Variants in TEX26 observed in about 807,000 individuals in gnomAD.
TEX26 encodes the protein testis-expressed protein 26.
A neutral mutation model predicts 35.3 loss-of-function variants in TEX26; 34 were observed. The observed-to-expected ratio is 0.96, with a 90% confidence interval of 0.73 to 1.28. The LOEUF is 1.28. TEX26 is among the 50% of genes most tolerant of loss of function. TEX26 has a pLI of 0.00. For missense variants in TEX26, 371 were observed against 330.1 expected, an observed-to-expected ratio of 1.12 and a Z score of -0.96; for synonymous variants, 136 against 111.8, an observed-to-expected ratio of 1.22 and a Z score of -1.36.
Position 30,939,719 on chromosome 13 carries a change from T to A in TEX26, c.87T>A (p.Tyr29Ter). The A allele has an allele frequency of 6.2e-7, 1 of 1,614,138 alleles. No individual in the cohort carries two copies. The highest frequency in any genetic ancestry group is 8.5e-7 in the Non-Finnish European group (1 of 1,179,956). ...CAGATGACCCCAACTGGGATTCCTA[T>A]GCTACCACTATGAGGACTGCATTCA... is the stretch of plus-strand genomic sequence containing the variant. ...QPTDDPNWDS[Y>*]ATTMRTAFTP... The change falls in exon 2 of 7, where the codon TAT (tyrosine) becomes TAA (stop). Residue 29 changes from tyrosine to a stop codon, truncating the protein, a stop_gained. Coordinates refer to ENST00000380473, the MANE Select transcript of TEX26 (RefSeq NM_152325.3). LOFTEE classifies it high-confidence loss of function.
intron 1 of TEX26, chr13:30,936,901 A>T (rs1230087115): frequency 6.1e-6 from 6 of 985,470 alleles, no homozygotes; most frequent in Non-Finnish European, 7.2e-6. Context: ...AGATTTCTCA[A>T]TGAACATTTC....
In TEX26 at chr13:30,968,945, A is replaced by T. The variant is rs776635601; in HGVS notation, c.707A>T (p.Tyr236Phe). The change falls in exon 6 of 7, where the codon TAC becomes TTC. Residue 236 changes from tyrosine (Y) to phenylalanine (F), a missense_variant. By Grantham distance (22) the Tyr-to-Phe change is conservative. Transcript: ENST00000380473. Reference sequence around the variant, plus strand: ...GAGCACACAAAGAAACAGACCACATACCAAAGTGACTACGACAAAACCTAC... The same window carrying T: ...GAGCACACAAAGAAACAGACCACATTCCAAAGTGACTACGACAAAACCTAC... ...NQEHTKKQTT[Y>F]QSDYDKTYPD... The T allele has an allele frequency of 5.6e-6, 9 of 1,614,038 alleles. No homozygotes were observed. The East Asian group carries it at 2.0e-4, about 36-fold the overall frequency.
At chr13:30,963,097 G>A (rs1181518622) in intron 4 of TEX26, among the ~76,000 whole-genome samples, 1 of 152,078 alleles carries the variant, frequency 6.6e-6, no homozygotes, top group Non-Finnish European at 1.5e-5. Context: ...CAAAGTGCTG[G>A]CATTGCAGGC....
At chr13:30,962,918 G>A (rs1954399164) in intron 4 of TEX26, among the ~76,000 whole-genome samples, 1 of 151,950 alleles carries the variant, frequency 6.6e-6, no homozygotes, top group South Asian at 2.1e-4. Flanking sequence ...TGCCTCCCGG[G>A]TTCATGCCAT....
At chr13:30,974,288 T>C (rs1013350493) in intron 6 of TEX26, among the ~76,000 whole-genome samples, 1 of 151,746 alleles carries the variant, frequency 6.6e-6, no homozygotes, top group African/African-American at 2.4e-5. Flanking sequence ...CAAGGACTAG[T>C]AAACCTTACC....
Position 30,966,243 on chromosome 13 carries a change from C to T in TEX26, c.491C>T (p.Ser164Phe). The change falls in exon 5 of 7, where the codon TCT becomes TTT. Residue 164 changes from serine to phenylalanine, a missense_variant. Transcript: ENST00000380473. ...RSKAQKIKKS[S>F]HLSLEWKKLL... ...CCAGCTCAGAAGATTAAGAAAAGTTCTCACTTGTCTCTGGAATGGAAAAAG... is the reference window on the plus strand; with the variant it reads ...CCAGCTCAGAAGATTAAGAAAAGTTTTCACTTGTCTCTGGAATGGAAAAAG... 1 of 1,613,920 alleles carries T rather than the reference C, an allele frequency of 6.2e-7. No homozygotes were observed. Among genetic ancestry groups the T allele is most frequent in the Non-Finnish European group, 8.5e-7 (1 of 1,179,990 alleles).
chr13:30,932,769 C>G lies in TEX26; in HGVS notation c.54C>G (p.Leu18=). 6.2e-7 allele frequency: 1 copy of G among 1,614,054 alleles called. No homozygotes were observed. The highest frequency in any genetic ancestry group is 8.5e-7 in the Non-Finnish European group (1 of 1,180,010). The change falls in exon 1 of 7, where the codon CTC becomes CTG. Residue 18 remains leucine (L), a synonymous_variant. Transcript: ENST00000380473. ...ATCCCTCTCTCTGCCACCACAACCT[C>G]CAGCCAAGTAAGACAGCAGACTCTG... is the stretch of plus-strand genomic sequence containing the variant. ...APDPSLCHHN[L]QPTDDPNWDS... is the part of the protein sequence containing the mutation.
chr13:30,972,749 C>T (rs138199462), intron 6 of TEX26, among the ~76,000 whole-genome samples: 1,856 of 152,326 alleles, frequency 0.012, 30 homozygotes, highest in African/African-American at 0.042. Context: ...ATTCTCATGC[C>T]TCAGCTTCCC....
At chr13:30,972,139 C>T (rs558622609) in intron 6 of TEX26, among the ~76,000 whole-genome samples, 1 of 152,274 alleles carries the variant, frequency 6.6e-6, no homozygotes, top group African/African-American at 2.4e-5. Context: ...GAGGGGTACT[C>T]CCAACCCTAT....
At chr13:30,940,608 C>T (rs893767338) in intron 2 of TEX26, among the ~76,000 whole-genome samples, 8 of 152,150 alleles carry the variant, frequency 5.3e-5, no homozygotes, top group Non-Finnish European at 7.4e-5. Context: ...GTTGGGATTA[C>T]AGGCGTGAGC....
At position 30,975,049 on chromosome 13, in the gene TEX26, T is replaced by A; in HGVS notation, c.*142T>A. 1.8e-6 allele frequency: 1 copy of A among 555,602 alleles called. No individual in the cohort carries two copies. The highest frequency in any genetic ancestry group is 3.0e-6 in the Non-Finnish European group (1 of 334,426). 34.4% of individuals were successfully genotyped at this position (555,602 alleles called of 1,614,324 possible). Reference sequence around the variant, plus strand: ...GTGATAGTCATGAATTTGTGTCTTTTGCTCCGCTTTATTTTTAAACAATAA... The same window carrying A: ...GTGATAGTCATGAATTTGTGTCTTTAGCTCCGCTTTATTTTTAAACAATAA... On this transcript the variant is annotated 3_prime_UTR_variant, in exon 7 of 7. Coordinates refer to ENST00000380473, the MANE Select transcript of TEX26 (RefSeq NM_152325.3).
intron 4 of TEX26, among the ~76,000 whole-genome samples, chr13:30,965,130 T>A (rs7321023): frequency 2.0e-5 from 3 of 151,898 alleles, no homozygotes; most frequent in Non-Finnish European, 4.4e-5. Flanking sequence ...GAGGTCATTA[T>A]GAGGGCTATT....
At chr13:30,936,633 A>T in intron 1 of TEX26, 1 of 963,660 alleles carries the variant, frequency 1.0e-6, no homozygotes, top group Non-Finnish European at 1.2e-6. Context: ...CATAGGATAC[A>T]TAGCTCATCT....
intron 1 of TEX26, among the ~76,000 whole-genome samples, chr13:30,935,098 T>G (rs1188460020): frequency 6.6e-6 from 1 of 152,298 alleles, no homozygotes; most frequent in Non-Finnish European, 1.5e-5. Context: ...CCCTGCAGGC[T>G]CAGGGGTATC....
intron 1 of TEX26, among the ~76,000 whole-genome samples, chr13:30,938,331 T>C (rs1444201090): frequency 3.3e-5 from 5 of 152,224 alleles, no homozygotes; most frequent in African/African-American, 1.2e-4. Flanking sequence ...TCTGTTGTTG[T>C]TGTAACAGAA....
intron 4 of TEX26, among the ~76,000 whole-genome samples, chr13:30,957,670 T>C (rs1954188196): frequency 6.6e-6 from 1 of 152,142 alleles, no homozygotes; most frequent in South Asian, 2.1e-4. Flanking sequence ...CACAGGGCTG[T>C]GGCAGTGCGG....
At position 30,953,204 on chromosome 13, in the gene TEX26, G is replaced by T. The variant is rs7999879; in HGVS notation, c.312+379G>T. Among the ~76,000 whole-genome samples the T allele has an allele frequency of 7.9e-5, 12 of 151,972 alleles. No homozygotes were observed. In the South Asian group the frequency reaches 2.1e-3, roughly 26 times the overall value. ...TCATACCCATTAAGCAATTACCCCC[G>T]ACTCCACTCCCCACCGTCTGCTTTC... is the stretch of plus-strand genomic sequence containing the variant. On this transcript the variant is annotated intron_variant, in intron 3 of 6. Coordinates refer to ENST00000380473, the MANE Select transcript of TEX26 (RefSeq NM_152325.3).
intron 2 of TEX26, among the ~76,000 whole-genome samples, chr13:30,948,855 A>C (rs1046519595): frequency 6.6e-6 from 1 of 152,184 alleles, no homozygotes; most frequent in South Asian, 2.1e-4. Flanking sequence ...GTTTTCTTCT[A>C]GAGTTTTTAT....
At chr13:30,958,762 A>G (rs1954228129) in intron 4 of TEX26, among the ~76,000 whole-genome samples, 1 of 151,968 alleles carries the variant, frequency 6.6e-6, no homozygotes, top group African/African-American at 2.4e-5. Flanking sequence ...ATCCCACCCC[A>G]CCGGCATGCA....
Sources: allele counts gnomAD v4.1 joint callset (sites outside exome capture counted in the v4.1 genomes callset), GRCh38; gene constraint gnomAD v4.1.1; transcripts MANE v1.5; gene names NCBI Gene and HGNC (gene_info 2026-07-23, HGNC 2026-07-21).